ARID1A: variants seen among roughly 807,000 people sequenced by gnomAD.
ARID1A encodes AT-rich interaction domain 1A.
In ARID1A, 20 loss-of-function variants were observed where a neutral mutation model predicts 212.6. That is an observed-to-expected ratio of 0.09 (90% CI 0.07 to 0.14). The LOEUF (loss-of-function observed/expected upper bound fraction) is 0.14, where lower values mean the gene tolerates loss of function less well. Among genes scored for constraint, ARID1A ranks in the 10% least tolerant of loss-of-function variants. The pLI, the probability that ARID1A is intolerant of heterozygous loss-of-function variation, is 1.00. For missense variants in ARID1A, 2,587 were observed against 3,059.0 expected (o/e 0.85, Z 3.64); for synonymous variants, 1,376 against 1,222.1 (o/e 1.13, Z -2.63).
chr1:26,743,498 T>C (rs2080807624), intron 4 of ARID1A, among the ~76,000 whole-genome samples: 1 of 151,958 alleles, frequency 6.6e-6, no homozygotes, highest in African/African-American at 2.4e-5. Flanking sequence ...GTTGTTTAGG[T>C]TTATTGAGAG....
intron 1 of ARID1A, among the ~76,000 whole-genome samples, chr1:26,718,098 C>T (rs1487349756): frequency 6.6e-6 from 1 of 152,162 alleles, no homozygotes; most frequent in Non-Finnish European, 1.5e-5. Context: ...CCTCAGCCTC[C>T]TGAGTAGCTG....
intron 4 of ARID1A, among the ~76,000 whole-genome samples, chr1:26,740,200 A>G (rs549417342): frequency 6.6e-6 from 1 of 152,322 alleles, no homozygotes; most frequent in Admixed American, 6.5e-5. Flanking sequence ...GAAGACAAAC[A>G]GACATTTGAC....
At chr1:26,723,373 G>A (rs2080583547) in intron 1 of ARID1A, among the ~76,000 whole-genome samples, 1 of 152,182 alleles carries the variant, frequency 6.6e-6, no homozygotes, top group African/African-American at 2.4e-5. Flanking sequence ...ATCAACAGCT[G>A]TCGCCTGTCC....
intron 4 of ARID1A, among the ~76,000 whole-genome samples, chr1:26,756,713 TC>T (rs2124039414): frequency 6.6e-6 from 1 of 152,064 alleles, no homozygotes; most frequent in African/African-American, 2.4e-5. Flanking sequence ...TTTTTTTTTT[TC>T]TTTTTTGAGA....
intron 4 of ARID1A, among the ~76,000 whole-genome samples, chr1:26,755,505 C>T (rs2080920803): frequency 6.6e-6 from 1 of 152,204 alleles, no homozygotes; most frequent in Admixed American, 6.5e-5. Flanking sequence ...CCAAAAGTGA[C>T]AGCTCTCCTG....
chr1:26,772,718 C>G (rs2124105715), intron 13 of ARID1A, 86 bp downstream of exon 13: 1 of 1,607,032 alleles, frequency 6.2e-7, no homozygotes, highest in Non-Finnish European at 8.5e-7. Context: ...GTGGTCCTTG[C>G]CTCTGCCTTC....
chr1:26,754,087 A>ATT, intron 4 of ARID1A, among the ~76,000 whole-genome samples: 1 of 152,328 alleles, frequency 6.6e-6, no homozygotes, highest in South Asian at 2.1e-4. Context: ...GATTACAGGC[A>ATT]TGAGCCACCA....
At chr1:26,736,582 T>C in intron 4 of ARID1A, among the ~76,000 whole-genome samples, 1 of 147,490 alleles carries the variant, frequency 6.8e-6, no homozygotes, top group Non-Finnish European at 1.5e-5. Context: ...TGAGCCAAGA[T>C]TGTGCCACTG....
chr1:26,749,120 G>T lies in ARID1A; in HGVS notation c.1921-11736G>T, dbSNP rs567475890. ...GCAGAGCTTGCAGTGAGCCAAGATC[G>T]CGCCACTGCACTCCAGCCTCGGTGA... is the stretch of plus-strand genomic sequence containing the variant. On this transcript the variant is annotated intron_variant, in intron 4 of 19. Transcript: ENST00000324856. 2.0e-5 allele frequency among the ~76,000 whole-genome samples: 3 copies of T among 152,224 alleles called. No homozygotes were observed. The East Asian group carries it at 5.8e-4, about 29-fold the overall frequency.
At chr1:26,766,843 C>G (rs1014826342) in intron 10 of ARID1A, among the ~76,000 whole-genome samples, 1 of 152,184 alleles carries the variant, frequency 6.6e-6, no homozygotes, top group African/African-American at 2.4e-5. Flanking sequence ...GCATCAAACT[C>G]TCTGTACTGT....
Position 26,696,153 on chromosome 1 carries a change from C to A in ARID1A, c.-251C>A. The A allele has an allele frequency of 2.0e-6, 1 of 497,716 alleles. No individual in the cohort carries two copies. Among genetic ancestry groups the A allele is most frequent in the Non-Finnish European group, 2.9e-6 (1 of 349,666 alleles). The allele number at this position is 497,716 out of a possible 1,614,324, so 30.8% of individuals were successfully genotyped here. On this transcript the variant is annotated 5_prime_UTR_variant, in exon 1 of 20. Coordinates refer to ENST00000324856, the MANE Select transcript of ARID1A (RefSeq NM_006015.6). ...AGAGCCGGGTCCCGAGCCTACAGAG[C>A]CGGGAGCAGCTGAGCCGCCGGCGCC...
At chr1:26,752,160 C>T (rs2080890597) in intron 4 of ARID1A, among the ~76,000 whole-genome samples, 1 of 152,208 alleles carries the variant, frequency 6.6e-6, no homozygotes, top group Admixed American at 6.5e-5. Flanking sequence ...TCTTTTCTTC[C>T]CGTTCCTTAG....
At chr1:26,734,281 G>T (rs1209929244) in intron 4 of ARID1A, among the ~76,000 whole-genome samples, 1 of 151,264 alleles carries the variant, frequency 6.6e-6, no homozygotes, top group African/African-American at 2.4e-5. Context: ...GCTGTAAGTT[G>T]CTTCATTCCA....
rs1005812119 is a variant in ARID1A, at chr1:26,696,775, C to T, written c.372C>T (p.Gly124=). 2.3e-5 allele frequency: 31 copies of T among 1,341,440 alleles called. No homozygotes were observed. The African/African-American group carries it at 3.4e-4, about 15-fold the overall frequency. 83.1% of individuals were successfully genotyped at this position (1,341,440 alleles called of 1,614,324 possible). A position where few individuals can be genotyped will look rare whatever the true frequency, so the allele number is the denominator to read the frequency against. ...NNNLTEPPGG[G]GGGSSDGVGA... ...ACCTCACGGAGCCGCCCGGCGGCGG[C>T]GGTGGCGGCAGCAGCGATGGGGTGG... Residue 124 remains glycine (G), a synonymous_variant, in exon 1 of 20, where the codon GGC becomes GGT. Transcript: ENST00000324856.
rs1570540325 is a variant in ARID1A, at chr1:26,697,217, G to A, written c.814G>A (p.Gly272Arg). The A allele has an allele frequency of 1.4e-6, 2 of 1,382,726 alleles. No individual in the cohort carries two copies. The highest frequency in any genetic ancestry group is 3.0e-5 in the East Asian group (1 of 33,122). The allele number at this position is 1,382,726 out of a possible 1,614,324, so 85.7% of individuals were successfully genotyped here. The change falls in exon 1 of 20, where the codon GGG becomes AGG. Residue 272 changes from glycine to arginine, a missense_variant. By Grantham distance (125) the Gly-to-Arg change is moderately radical. Transcript: ENST00000324856. ...SSSSFAQQRF[G>R]AMGGGGPSAA... The stretch of plus-strand genomic sequence containing the variant: ...TTCGTCCTTCGCTCAGCAGCGCTTC[G>A]GGGCCATGGGGGGAGGCGGCCCCTC...
intron 1 of ARID1A, among the ~76,000 whole-genome samples, chr1:26,719,348 G>A (rs967532407): frequency 2.0e-5 from 3 of 152,214 alleles, no homozygotes; most frequent in Admixed American, 6.5e-5. Context: ...GGCTGAAAGT[G>A]CTGCTCATTT....
intron 8 of ARID1A, 73 bp downstream of exon 8, chr1:26,763,358 C>T (rs2124071199): frequency 1.4e-6 from 2 of 1,452,576 alleles, no homozygotes; most frequent in Non-Finnish European, 1.8e-6. Flanking sequence ...TATTGAGATG[C>T]TTCTGGACCT....
chr1:26,754,246 C>A (rs1185311876), intron 4 of ARID1A, among the ~76,000 whole-genome samples: 1 of 152,168 alleles, frequency 6.6e-6, no homozygotes, highest in Non-Finnish European at 1.5e-5. Flanking sequence ...GAGTAGAAAG[C>A]AGAGGTGTGT....
At chr1:26,743,757 G>T (rs377024533) in intron 4 of ARID1A, among the ~76,000 whole-genome samples, 1 of 150,296 alleles carries the variant, frequency 6.7e-6, no homozygotes, top group South Asian at 2.1e-4. Context: ...GCTTGAACCC[G>T]GGAGGCAGAG....
Sources: gnomAD v4.1 joint callset for allele counts (sites outside exome capture counted in the v4.1 genomes callset) on GRCh38, gnomAD v4.1.1 for gene constraint, MANE v1.5 for transcripts, NCBI Gene and HGNC (gene_info 2026-07-23, HGNC 2026-07-21) for gene names.